The following CCDC62 variants were observed in gnomAD, a reference collection of about 807,000 sequenced individuals.
CCDC62 encodes the protein coiled-coil domain containing 62.
CCDC62 carries 72 observed loss-of-function variants against 80.8 expected under a neutral mutation model. The ratio of observed to expected loss-of-function variants is 0.89; its 90% CI spans 0.74 to 1.08. The LOEUF is 1.08. Ranked by LOEUF, CCDC62 falls within the 50% of genes least tolerant of loss-of-function variation. The pLI is 0.00. For synonymous variants in CCDC62, 286 were observed against 296.5 expected (o/e 0.96, Z 0.36); for missense variants, 704 against 809.4 (o/e 0.87, Z 1.58).
At chr12:122,813,769 G>A (rs1326714270) in intron 11 of CCDC62, among the ~76,000 whole-genome samples, 2 of 152,028 alleles carry the variant, frequency 1.3e-5, no homozygotes, top group Admixed American at 6.6e-5. Context: ...TGATTCTCCT[G>A]CCTCAGCCTC....
intron 8 of CCDC62, among the ~76,000 whole-genome samples, 185 bp from the exon 9 acceptor site, chr12:122,800,938 GA>G (rs1252287523): frequency 6.6e-6 from 1 of 152,164 alleles, no homozygotes; most frequent in Non-Finnish European, 1.5e-5. Flanking sequence ...GAGGAGGATG[GA>G]AAAGGGAATG....
chr12:122,784,713 T>A (rs941554255), intron 3 of CCDC62, among the ~76,000 whole-genome samples: 1 of 152,152 alleles, frequency 6.6e-6, no homozygotes, highest in African/African-American at 2.4e-5. Context: ...TGAGAACCTG[T>A]AGTCCCAGCT....
At chr12:122,814,442 A>G (rs1032440079) in intron 11 of CCDC62, among the ~76,000 whole-genome samples, 23 of 128,692 alleles carry the variant, frequency 1.8e-4, no homozygotes, top group Admixed American at 1.5e-3. Context: ...GCTCAGCATC[A>G]TATCATGTCA....
intron 4 of CCDC62, among the ~76,000 whole-genome samples, chr12:122,788,330 G>C (rs981530138): frequency 6.6e-6 from 1 of 152,170 alleles, no homozygotes; most frequent in African/African-American, 2.4e-5. Flanking sequence ...GGGAGGGAAT[G>C]ATGGGCCATT....
chr12:122,821,955 A>C (rs2032419264), intron 11 of CCDC62, among the ~76,000 whole-genome samples: 1 of 151,532 alleles, frequency 6.6e-6, no homozygotes, highest in Non-Finnish European at 1.5e-5. Context: ...TTGGCTGGGC[A>C]CAATGGCTCA....
chr12:122,788,861 T>C lies in CCDC62; in HGVS notation c.602T>C (p.Ile201Thr). Residue 201 changes from isoleucine (I) to threonine (T), a missense_variant, in exon 5 of 13, where the codon ATT (isoleucine) becomes ACT (threonine). Physicochemically the swap from Ile to Thr is moderately conservative, Grantham distance 89. Coordinates refer to ENST00000253079, the MANE Select transcript of CCDC62 (RefSeq NM_201435.5). ...LRDAKMAETC[I>T]VKEKQDYKQK... is the part of the protein sequence containing the mutation. ...GATGCCAAGATGGCGGAGACTTGTA[T>C]TGTGAAAGAAAAGCAAGATTATAAG... 2.5e-6 allele frequency: 4 copies of C among 1,611,432 alleles called. No individual in the cohort carries two copies. The highest frequency in any genetic ancestry group is 3.4e-6 in the Non-Finnish European group (4 of 1,179,492).
At chr12:122,779,907 CAAAAAA>C (rs35466260) in intron 2 of CCDC62, among the ~76,000 whole-genome samples, 1 of 63,516 alleles carries the variant, frequency 1.6e-5, no homozygotes, top group African/African-American at 6.6e-5. Flanking sequence ...GACTCTGTCT[CAAAAAA>C]AAAAAAAAAA....
rs545336133 is a variant in CCDC62, at chr12:122,801,265, C to T, written c.1119C>T (p.Cys373=). ...AAAATAGGTCAGACAAGAGCTCTTG[C>T]GATGAATGCAAAGAGAAGAAACAAC... ...VQQNRSDKSS[C]DECKEKKQQI... is the part of the protein sequence containing the mutation. Residue 373 remains cysteine, a synonymous_variant, in exon 9 of 13, where the codon TGC becomes TGT. Coordinates refer to ENST00000253079, the MANE Select transcript of CCDC62 (RefSeq NM_201435.5). 52 of 1,613,964 alleles carry T rather than the reference C, an allele frequency of 3.2e-5. No homozygotes were observed. The East Asian group carries it at 6.0e-4, about 19-fold the overall frequency.
chr12:122,795,968 G>A (rs1000478962), intron 6 of CCDC62, among the ~76,000 whole-genome samples: 1 of 152,106 alleles, frequency 6.6e-6, no homozygotes, highest in African/African-American at 2.4e-5. Context: ...GCAGCAGAGA[G>A]TTCCTTACCT....
intron 3 of CCDC62, among the ~76,000 whole-genome samples, chr12:122,784,262 C>T (rs1026210828): frequency 6.6e-6 from 1 of 152,204 alleles, no homozygotes; most frequent in South Asian, 2.1e-4. Flanking sequence ...GTGGCTCATG[C>T]CTGTAATCCC....
chr12:122,820,465 C>T (rs547398029), intron 11 of CCDC62, among the ~76,000 whole-genome samples: 126 of 152,232 alleles, frequency 8.3e-4, no homozygotes, highest in South Asian at 2.9e-3. Flanking sequence ...TGTTACCTGT[C>T]GGGGCTCTTG....
chr12:122,787,494 G>T (rs1566071748), intron 4 of CCDC62, among the ~76,000 whole-genome samples: 1 of 149,760 alleles, frequency 6.7e-6, no homozygotes, highest in Admixed American at 6.7e-5. Context: ...GCTCACACCT[G>T]TAATCCCTAC....
At chr12:122,776,781 A>G (rs1358275430) in intron 1 of CCDC62, 1 of 145,554 alleles carries the variant, frequency 6.9e-6, no homozygotes, top group African/African-American at 2.5e-5. Context: ...ACATTTAAAC[A>G]GTAACTATTT....
intron 1 of CCDC62, among the ~76,000 whole-genome samples, chr12:122,775,224 T>G (rs1335815402): frequency 6.6e-6 from 1 of 152,012 alleles, no homozygotes; most frequent in Non-Finnish European, 1.5e-5. Flanking sequence ...GTGCTTACTG[T>G]TTAAGGAGGA....
rs547390809 is a variant in CCDC62 at position 122,815,616 on chromosome 12, T to G, written c.2001+2197T>G. Among the ~76,000 whole-genome samples the G allele has an allele frequency of 1.3e-3, 203 of 151,928 alleles. 2 individuals are homozygous for G. Among genetic ancestry groups the G allele is most frequent in the African/African-American group, 4.5e-3 (188 of 41,432 alleles). On this transcript the variant is annotated intron_variant, in intron 11 of 12. Coordinates refer to ENST00000253079, the MANE Select transcript of CCDC62 (RefSeq NM_201435.5). ...CGCCCGCCACCACACCCGGCTAATT[T>G]TTTGCATTTTTTGGTAGAGACGGGC...
rs201564203 is a variant in CCDC62 at position 122,801,829 on chromosome 12, C to T, written c.1683C>T (p.Gly561=). 18 of 1,613,940 alleles carry T rather than the reference C, an allele frequency of 1.1e-5. No individual in the cohort carries two copies. The highest frequency in any genetic ancestry group is 1.4e-5 in the Non-Finnish European group (17 of 1,179,980). Residue 561 remains glycine (G), a synonymous_variant, in exon 9 of 13, where the codon GGC becomes GGT. Transcript: ENST00000253079. ...SGCTCSESIC[G]TQHDSPASEL... ...GCACCTGTTCAGAAAGCATCTGTGG[C>T]ACACAACATGACTCCCCGGCAAGGT...
chr12:122,778,125 G>A (rs1217255625), intron 2 of CCDC62, among the ~76,000 whole-genome samples: 1 of 152,026 alleles, frequency 6.6e-6, no homozygotes, highest in African/African-American at 2.4e-5. Context: ...CCAGCACTTT[G>A]GCGGATCACT....
Position 122,792,038 on chromosome 12 carries a change from C to T in CCDC62, c.689C>T (p.Thr230Met), listed in dbSNP as rs749893773. ...NKLKEDLNEKTTENNEQREEI... is the reference protein window; with the variant it reads ...NKLKEDLNEKMTENNEQREEI... ...TGTGAAGAGGACCTCAATGAAAAGA[C>T]GACAGAAAATAATGAGCAACGAGAA... Residue 230 changes from threonine (T) to methionine (M), a missense_variant, in exon 6 of 13, where the codon ACG becomes ATG. Coordinates refer to ENST00000253079, the MANE Select transcript of CCDC62 (RefSeq NM_201435.5). 3.7e-6 allele frequency: 6 copies of T among 1,613,420 alleles called. No individual in the cohort carries two copies. The highest frequency in any genetic ancestry group is 4.5e-5 in the East Asian group (2 of 44,886).
chr12:122,777,476 G>A lies in CCDC62; in HGVS notation c.37-15G>A, dbSNP rs376265353. ...TTTCATTCTATTTTGATGTGAAACC[G>A]CTTTCTATGTTTAGAACATCGGGTC... On this transcript the variant is annotated splice_polypyrimidine_tract_variant and intron_variant, in intron 1 of 12. Coordinates refer to ENST00000253079, the MANE Select transcript of CCDC62 (RefSeq NM_201435.5). 85 of 1,587,526 alleles carry A rather than the reference G, an allele frequency of 5.4e-5. No homozygotes were observed. In the East Asian group the frequency reaches 1.3e-3, roughly 24 times the overall value.
Sources: allele counts gnomAD v4.1 joint callset (sites outside exome capture counted in the v4.1 genomes callset), GRCh38; gene constraint gnomAD v4.1.1; transcripts MANE v1.5; gene names NCBI Gene and HGNC (gene_info 2026-07-23, HGNC 2026-07-21).